Variants in KCNH8 observed in about 807,000 individuals in gnomAD.
KCNH8 encodes voltage-gated delayed rectifier potassium channel KCNH8.
Under a neutral mutation model 103.6 loss-of-function variants are expected in KCNH8, and 70 were observed. The observed-to-expected ratio is 0.68, with a 90% confidence interval of 0.56 to 0.82. The LOEUF (loss-of-function observed/expected upper bound fraction) is 0.82. Ranked by LOEUF, KCNH8 falls within the 40% of genes least tolerant of loss-of-function variation. KCNH8 has a pLI of 0.00. For missense variants in KCNH8, 1,217 were observed against 1,329.9 expected (o/e 0.92, Z 1.32); for synonymous variants, 498 against 489.4 (o/e 1.02, Z -0.23).
chr3:19,258,963 A>C (rs1034250274), intron 2 of KCNH8, among the ~76,000 whole-genome samples: 51 of 134,126 alleles, frequency 3.8e-4, no homozygotes, highest in Admixed American at 6.0e-4. Flanking sequence ...ATATATATAT[A>C]TATATATATA....
chr3:19,265,131 C>T (rs987833538), intron 2 of KCNH8, among the ~76,000 whole-genome samples: 70 of 152,190 alleles, frequency 4.6e-4, no homozygotes, highest in African/African-American at 1.6e-3. Flanking sequence ...GGAGTAGAAT[C>T]TCAGCTCTCT....
intron 3 of KCNH8, among the ~76,000 whole-genome samples, chr3:19,284,554 A>G (rs868173333): frequency 1.7e-5 from 2 of 117,374 alleles, no homozygotes; most frequent in Non-Finnish European, 3.9e-5. Context: ...TGTGTGTGTG[A>G]GGGAGAGAGA....
At chr3:19,217,113 C>A (rs1252685331) in intron 1 of KCNH8, among the ~76,000 whole-genome samples, 1 of 152,168 alleles carries the variant, frequency 6.6e-6, no homozygotes, top group Non-Finnish European at 1.5e-5. Flanking sequence ...TGAGCGCAGT[C>A]CCTTGCGCAA....
intron 3 of KCNH8, among the ~76,000 whole-genome samples, chr3:19,283,637 A>G (rs2064787219): frequency 6.6e-6 from 1 of 152,006 alleles, no homozygotes; most frequent in Non-Finnish European, 1.5e-5. Context: ...GTAAGTCACT[A>G]TGGTTATAAA....
chr3:19,352,550 A>C (rs1370998888), intron 5 of KCNH8, among the ~76,000 whole-genome samples: 1 of 152,210 alleles, frequency 6.6e-6, no homozygotes, highest in Non-Finnish European at 1.5e-5. Context: ...ACCACAGTGC[A>C]ATCAAACTAG....
At chr3:19,283,767 T>C (rs1421024127) in intron 3 of KCNH8, among the ~76,000 whole-genome samples, 3 of 151,074 alleles carry the variant, frequency 2.0e-5, no homozygotes, top group African/African-American at 7.3e-5. Context: ...AAAAATATAA[T>C]AATAAAATAA....
At chr3:19,335,427 G>GTA (rs3067330) in intron 3 of KCNH8, among the ~76,000 whole-genome samples, 119,159 of 147,802 alleles carry the variant, frequency 0.81, 48,308 homozygotes, top group Middle Eastern at 0.9. Flanking sequence ...ATATGTGTGT[G>GTA]TATATATATG....
intron 11 of KCNH8, among the ~76,000 whole-genome samples, chr3:19,472,013 T>C (rs1396015712): frequency 6.6e-6 from 1 of 152,206 alleles, no homozygotes; most frequent in Non-Finnish European, 1.5e-5. Flanking sequence ...AATTAGAAAG[T>C]TTTTTAAAAA....
In KCNH8 at chr3:19,513,057, G is replaced by A. The variant is rs1490810536; in HGVS notation, c.2167G>A (p.Glu723Lys). ...EEEEEEGEEE[E>K]AVSLSPICTR... is the part of the protein sequence containing the mutation. ...AGAGGAGGAGGAGGGGGAGGAAGAG[G>A]AGGCAGTCTCCCTCTCTCCCATCTG... is the stretch of plus-strand genomic sequence containing the variant. The change falls in exon 13 of 16, where the codon GAG (glutamate) becomes AAG (lysine). Residue 723 changes from glutamate to lysine, a missense_variant. Physicochemically the swap from Glu to Lys is moderately conservative, Grantham distance 56 (BLOSUM62 1). This residue lies in a region of KCNH8 where 558 missense variants were observed against 495.8 expected (regional missense o/e 1.13). Transcript: ENST00000328405. The A allele has an allele frequency of 6.2e-7, 1 of 1,613,648 alleles. No homozygotes were observed. The highest frequency in any genetic ancestry group is 1.7e-5 in the Admixed American group (1 of 59,888).
chr3:19,445,082 T>C (rs1020553873), intron 8 of KCNH8, among the ~76,000 whole-genome samples: 2 of 151,964 alleles, frequency 1.3e-5, no homozygotes, highest in Admixed American at 1.3e-4. Flanking sequence ...TGTCCATTAA[T>C]AGGAGAATAA....
At chr3:19,453,632 G>A (rs909705363) in intron 10 of KCNH8, among the ~76,000 whole-genome samples, 6 of 152,148 alleles carry the variant, frequency 3.9e-5, no homozygotes, top group African/African-American at 1.4e-4. Context: ...TTGAAGAGGT[G>A]AATAGGTGAT....
At chr3:19,324,942 A>G (rs563485218) in intron 3 of KCNH8, among the ~76,000 whole-genome samples, 3 of 152,286 alleles carry the variant, frequency 2.0e-5, no homozygotes, top group Admixed American at 1.3e-4. Context: ...AAACTGTACT[A>G]TGGGGGTACA....
chr3:19,155,720 A>G (rs1251324077), intron 1 of KCNH8, among the ~76,000 whole-genome samples: 1 of 152,210 alleles, frequency 6.6e-6, no homozygotes, highest in African/African-American at 2.4e-5. Flanking sequence ...TTCAAGATCC[A>G]TCCTAAAGAT....
At chr3:19,231,923 T>G (rs1335662904) in intron 1 of KCNH8, among the ~76,000 whole-genome samples, 1 of 152,206 alleles carries the variant, frequency 6.6e-6, no homozygotes, top group Non-Finnish European at 1.5e-5. Context: ...TCCTGAAATA[T>G]TAAATCAATA....
intron 7 of KCNH8, among the ~76,000 whole-genome samples, chr3:19,409,442 TA>T (rs1363945915): frequency 6.6e-6 from 1 of 151,984 alleles, no homozygotes; most frequent in African/African-American, 2.4e-5. Flanking sequence ...ACAGACCCCA[TA>T]AAGCAAAAAT....
intron 7 of KCNH8, among the ~76,000 whole-genome samples, chr3:19,434,359 A>G (rs1234045186): frequency 6.6e-6 from 1 of 152,222 alleles, no homozygotes; most frequent in Non-Finnish European, 1.5e-5. Context: ...GCAGTAACAA[A>G]TACTTCACCA....
At chr3:19,244,912 A>G (rs1373131614) in intron 1 of KCNH8, among the ~76,000 whole-genome samples, 1 of 152,038 alleles carries the variant, frequency 6.6e-6, no homozygotes, top group Non-Finnish European at 1.5e-5. Flanking sequence ...TTCATTCTGC[A>G]GGTTGTCTGT....
intron 11 of KCNH8, among the ~76,000 whole-genome samples, chr3:19,503,695 G>A (rs1000598484): frequency 7.4e-5 from 11 of 148,598 alleles, no homozygotes; most frequent in African/African-American, 1.2e-4. Flanking sequence ...ACCAAACACC[G>A]CATATTCTCA....
intron 10 of KCNH8, among the ~76,000 whole-genome samples, chr3:19,453,862 T>G (rs1327313150): frequency 6.6e-6 from 1 of 152,112 alleles, no homozygotes; most frequent in Non-Finnish European, 1.5e-5. Flanking sequence ...ACTAAGACAG[T>G]ATGATTATTT....
Sources: gnomAD v4.1 joint callset for allele counts (sites outside exome capture counted in the v4.1 genomes callset) on GRCh38, gnomAD v4.1.1 for gene constraint, gnomAD v4.1.1 regional missense constraint, MANE v1.5 for transcripts, NCBI Gene and HGNC (gene_info 2026-07-23, HGNC 2026-07-21) for gene names.